Variants in TEX36 observed in about 807,000 individuals in gnomAD.
The protein encoded by TEX36 is testis-expressed protein 36.
In TEX36, 12 loss-of-function variants were observed where a neutral mutation model predicts 13.6. The ratio of observed to expected loss-of-function variants is 0.88; its 90% CI spans 0.56 to 1.43. TEX36 has a LOEUF of 1.43. Among genes scored for constraint, TEX36 ranks in the 40% most tolerant of loss-of-function variants. The probability of loss-of-function intolerance (pLI) is 0.00; values close to 1 mark genes in which losing one functional copy is unlikely to be tolerated. For synonymous variants in TEX36, 93 were observed against 83.0 expected (o/e 1.12, Z -0.65); for missense variants, 224 against 228.3 (o/e 0.98, Z 0.12).
chr10:125,679,695 C>T (rs982974207), intron 1 of TEX36, among the ~76,000 whole-genome samples: 1 of 152,218 alleles, frequency 6.6e-6, no homozygotes, highest in African/African-American at 2.4e-5. Context: ...TCCCCACGTA[C>T]GGTGTTTCCT....
At chr10:125,607,904 A>G (rs560966326) in intron 3 of TEX36, among the ~76,000 whole-genome samples, 1 of 152,272 alleles carries the variant, frequency 6.6e-6, no homozygotes, top group South Asian at 2.1e-4. Context: ...TTCCCACAGA[A>G]GATTGAAGCC....
chr10:125,631,832 T>A (rs192711), intron 3 of TEX36, among the ~76,000 whole-genome samples: 24,171 of 152,102 alleles, frequency 0.16, 3,535 homozygotes, highest in African/African-American at 0.39. Flanking sequence ...GTGAGGCCAC[T>A]TGCAGAGGCT....
chr10:125,639,594 G>A (rs1414739946), intron 3 of TEX36, among the ~76,000 whole-genome samples: 1 of 151,782 alleles, frequency 6.6e-6, no homozygotes, highest in Non-Finnish European at 1.5e-5. Context: ...AAAGGGAATG[G>A]GGCAATGTGG....
chr10:125,614,182 C>T (rs1007916282), intron 3 of TEX36, among the ~76,000 whole-genome samples: 21 of 152,100 alleles, frequency 1.4e-4, no homozygotes, highest in African/African-American at 4.3e-4. Flanking sequence ...TGGATATTAG[C>T]CCTTTGTCAG....
chr10:125,678,837 A>T (rs1014691479), intron 1 of TEX36, among the ~76,000 whole-genome samples: 48 of 152,102 alleles, frequency 3.2e-4, no homozygotes, highest in African/African-American at 1.0e-3. Context: ...GTGTTCTGTC[A>T]TGGAAGAGGA....
At chr10:125,595,815 G>C (rs144912240) in intron 3 of TEX36, among the ~76,000 whole-genome samples, 1 of 152,222 alleles carries the variant, frequency 6.6e-6, no homozygotes, top group Non-Finnish European at 1.5e-5. Context: ...TTACTTCTCT[G>C]CCTAGTACAT....
At chr10:125,665,235 G>T (rs1242627520) in intron 1 of TEX36, among the ~76,000 whole-genome samples, 1 of 152,096 alleles carries the variant, frequency 6.6e-6, no homozygotes, top group Non-Finnish European at 1.5e-5. Context: ...CTGTGCAGAA[G>T]CTTTTTGATT....
intron 3 of TEX36, among the ~76,000 whole-genome samples, chr10:125,659,575 T>TA (rs1255519273): frequency 1.3e-5 from 2 of 152,198 alleles, no homozygotes; most frequent in Non-Finnish European, 2.9e-5. Flanking sequence ...GCAAAGTGGG[T>TA]ATTCTGGTCC....
In TEX36 at chr10:125,674,742, G is replaced by A. The variant is rs186558325; in HGVS notation, c.51+8197C>T. ...AGACCCTATTTGCCTGGGTCCCTCT[G>A]GCACCTGGAATTACCACCAGTGGAG... On this transcript the variant is annotated intron_variant, in intron 1 of 3. Transcript: ENST00000368821. Among the ~76,000 whole-genome samples the A allele has an allele frequency of 2.2e-3, 330 of 152,328 alleles. 1 individual carries two copies. Among genetic ancestry groups the A allele is most frequent in the African/African-American group, 7.7e-3 (321 of 41,578 alleles).
chr10:125,577,815 T>C (rs72834986), intron 3 of TEX36, among the ~76,000 whole-genome samples: 5 of 152,354 alleles, frequency 3.3e-5, no homozygotes, highest in Admixed American at 6.5e-5. Flanking sequence ...CTCAGCTCTT[T>C]GGCAGAAAAA....
At chr10:125,653,734 C>T (rs1368616337), downstream of TEX36, among the ~76,000 whole-genome samples, 3 of 152,132 alleles carry the variant, frequency 2.0e-5, no homozygotes, top group Non-Finnish European at 4.4e-5. Flanking sequence ...GTAGCTTATG[C>T]CTCTAATCCC....
rs1846930692 is a variant in TEX36 at position 125,655,808 on chromosome 10, T to C, written c.*92A>G. 7.4e-7 allele frequency: 1 copy of C among 1,353,564 alleles called. No homozygotes were observed. Among genetic ancestry groups the C allele is most frequent in the Admixed American group, 3.4e-5 (1 of 29,126 alleles). The allele number at this position is 1,353,564 out of a possible 1,614,324, so 83.8% of individuals were successfully genotyped here. A position where few individuals can be genotyped will look rare whatever the true frequency, so the allele number is the denominator to read the frequency against. ...AAAATCATAAAAGTACTTTAAAAAT[T>C]AAATAGTGGTGCTGGATCAGAAAAC... On this transcript the variant is annotated 3_prime_UTR_variant, in exon 4 of 4. Transcript: ENST00000368821.
intron 3 of TEX36, among the ~76,000 whole-genome samples, chr10:125,586,936 G>A (rs973487544): frequency 2.0e-5 from 3 of 152,148 alleles, no homozygotes; most frequent in Non-Finnish European, 4.4e-5. Flanking sequence ...TAATGGACTA[G>A]CACCATCCCC....
At chr10:125,633,807 G>A (rs1846589883) in intron 3 of TEX36, among the ~76,000 whole-genome samples, 1 of 152,094 alleles carries the variant, frequency 6.6e-6, no homozygotes, top group South Asian at 2.1e-4. Context: ...TTATTTATTG[G>A]TCTTTGACTT....
intron 3 of TEX36, among the ~76,000 whole-genome samples, chr10:125,591,859 G>A (rs1846025257): frequency 6.6e-6 from 1 of 151,874 alleles, no homozygotes; most frequent in Admixed American, 6.6e-5. Context: ...AGAATCATTA[G>A]TGCCCAACAG....
chr10:125,616,031 A>G (rs891599410), intron 3 of TEX36, among the ~76,000 whole-genome samples: 17 of 152,190 alleles, frequency 1.1e-4, no homozygotes, highest in African/African-American at 3.6e-4. Context: ...TGTGTTGAGG[A>G]ATTTATCCAT....
rs922466291 is a variant in TEX36 at position 125,682,948 on chromosome 10, A to G, written c.42T>C (p.Asp14=). 1.2e-5 allele frequency: 19 copies of G among 1,551,586 alleles called. No homozygotes were observed. The African/African-American group carries it at 2.5e-4, about 20-fold the overall frequency. Residue 14 remains aspartate, a synonymous_variant, in exon 1 of 4, where the codon GAT becomes GAC. Coordinates refer to ENST00000368821, the MANE Select transcript of TEX36 (RefSeq NM_001128202.3). ...GRRFNPPSDK[D]GRWFPHIGLT... is the part of the protein sequence containing the mutation. Reference sequence around the variant, plus strand: ...CCACCATCTTCCTTACCCATCTCCCATCCTTGTCTGAAGGTGGGTTGAAGC... The same window carrying G: ...CCACCATCTTCCTTACCCATCTCCCGTCCTTGTCTGAAGGTGGGTTGAAGC...
chr10:125,589,790 T>C (rs1263054354), intron 3 of TEX36, among the ~76,000 whole-genome samples: 1 of 152,230 alleles, frequency 6.6e-6, no homozygotes, highest in Non-Finnish European at 1.5e-5. Flanking sequence ...AGTATAATTT[T>C]CATTTGGTCA....
intron 1 of TEX36, among the ~76,000 whole-genome samples, chr10:125,673,734 G>A (rs9422799): frequency 5.0e-4 from 70 of 138,920 alleles, no homozygotes; most frequent in African/African-American, 1.9e-3. Flanking sequence ...AAAAAAAAAA[G>A]GTTGAATATT....
Sources: allele counts gnomAD v4.1 joint callset (sites outside exome capture counted in the v4.1 genomes callset), GRCh38; gene constraint gnomAD v4.1.1; transcripts MANE v1.5; gene names NCBI Gene and HGNC (gene_info 2026-07-23, HGNC 2026-07-21).